Variants in STX12 observed in about 807,000 individuals in gnomAD.
STX12 encodes syntaxin 12, also known as syntaxin-12.
In STX12, 17 loss-of-function variants were observed where a neutral mutation model predicts 42.2. The ratio of observed to expected loss-of-function variants is 0.40; its 90% CI spans 0.28 to 0.60. The LOEUF is 0.60. Ranked by LOEUF, STX12 falls within the 20% of genes least tolerant of loss-of-function variation. The pLI is 0.39. For synonymous variants in STX12, 108 were observed against 116.7 expected, an observed-to-expected ratio of 0.93 and a Z score of 0.48; for missense variants, 297 against 330.9, an observed-to-expected ratio of 0.90 and a Z score of 0.79.
Position 27,811,253 on chromosome 1 carries a change from A to G in STX12, c.471-910A>G, listed in dbSNP as rs533561281. On this transcript the variant is annotated intron_variant, in intron 5 of 8. Transcript: ENST00000373943. Reference sequence around the variant, plus strand: ...AGAATCTCTTGAACCCGGGGGGCGGAGTGAAGTAAGCGCCACTTCACTCCG... The same window carrying G: ...AGAATCTCTTGAACCCGGGGGGCGGGGTGAAGTAAGCGCCACTTCACTCCG... Among the ~76,000 whole-genome samples the G allele has an allele frequency of 4.3e-5, 6 of 140,912 alleles. No homozygotes were observed. In the East Asian group the frequency reaches 1.5e-3, roughly 34 times the overall value. The allele number at this position is 140,912 out of a possible 152,430, so 92.4% of individuals were successfully genotyped here.
At chr1:27,773,465 G>A in intron 1 of STX12, 40 bp downstream of exon 1, 1 of 1,585,424 alleles carries the variant, frequency 6.3e-7, no homozygotes, top group Middle Eastern at 1.7e-4. Context: ...GAGCTGTCCC[G>A]GGGACAGGCC....
At chr1:27,798,953 CAAA>C (rs56799050) in intron 3 of STX12, among the ~76,000 whole-genome samples, 1 of 78,384 alleles carries the variant, frequency 1.3e-5, no homozygotes. Flanking sequence ...GACCCTGTCT[CAAA>C]AAAAAAAAAA....
chr1:27,793,994 GTTTT>G (rs57655012), intron 3 of STX12, among the ~76,000 whole-genome samples: 1 of 142,866 alleles, frequency 7.0e-6, no homozygotes, highest in Admixed American at 7.0e-5. Flanking sequence ...CTTTCTCCTA[GTTTT>G]TTTTTTTTTT....
At chr1:27,818,633 C>CTTT (rs201465138) in intron 7 of STX12, among the ~76,000 whole-genome samples, 3 of 143,270 alleles carry the variant, frequency 2.1e-5, no homozygotes, top group African/African-American at 7.7e-5. Flanking sequence ...GTTAGTAACC[C>CTTT]TTTTTTTTTT....
At chr1:27,819,283 A>AG (rs1429732199) in intron 7 of STX12, among the ~76,000 whole-genome samples, 4 of 151,700 alleles carry the variant, frequency 2.6e-5, no homozygotes, top group Admixed American at 1.3e-4. Context: ...AAAAAAAAAA[A>AG]AAAAAAAGGT....
chr1:27,795,660 A>G (rs2088781344), intron 3 of STX12, among the ~76,000 whole-genome samples: 1 of 152,170 alleles, frequency 6.6e-6, no homozygotes, highest in Non-Finnish European at 1.5e-5. Flanking sequence ...GAAAATCACT[A>G]GTTTAACCTG....
At chr1:27,786,730 A>G (rs2088701804) in intron 1 of STX12, among the ~76,000 whole-genome samples, 1 of 152,212 alleles carries the variant, frequency 6.6e-6, no homozygotes, top group Non-Finnish European at 1.5e-5. Flanking sequence ...GAATAATAAT[A>G]CTTACTTAAA....
chr1:27,799,428 C>A (rs2088810843), intron 3 of STX12, among the ~76,000 whole-genome samples: 1 of 148,820 alleles, frequency 6.7e-6, no homozygotes, highest in Non-Finnish European at 1.5e-5. Context: ...GCTCAAAAAT[C>A]TTCATTGCTC....
At chr1:27,809,343 A>C (rs1481953961) in intron 4 of STX12, among the ~76,000 whole-genome samples, 1 of 151,854 alleles carries the variant, frequency 6.6e-6, no homozygotes, top group African/African-American at 2.4e-5. Context: ...CAAAAAAAAA[A>C]AAAGAAAAGA....
intron 1 of STX12, among the ~76,000 whole-genome samples, chr1:27,778,471 A>C (rs1464466555): frequency 6.6e-6 from 1 of 152,138 alleles, no homozygotes; most frequent in Non-Finnish European, 1.5e-5. Context: ...CGATCGGATC[A>C]CCTGAGGTCA....
chr1:27,793,587 G>C lies in STX12; in HGVS notation c.243G>C (p.Leu81=). ...NQLAKETNEL[L]KELGSLPLPL... ...TCGCCAAGGAAACAAATGAATTGCT[G>C]AAAGAATTAGGGTCCTTGCCCCTTC... is the stretch of plus-strand genomic sequence containing the variant. The change falls in exon 3 of 9, where the codon CTG becomes CTC. Residue 81 remains leucine, a synonymous_variant. Coordinates refer to ENST00000373943, the MANE Select transcript of STX12 (RefSeq NM_177424.3). The C allele has an allele frequency of 6.2e-7, 1 of 1,614,098 alleles. No individual in the cohort carries two copies. The highest frequency in any genetic ancestry group is 1.1e-5 in the South Asian group (1 of 91,080).
intron 1 of STX12, among the ~76,000 whole-genome samples, chr1:27,780,488 G>A (rs933606964): frequency 1.3e-5 from 2 of 152,096 alleles, no homozygotes; most frequent in African/African-American, 4.8e-5. Flanking sequence ...GATTACAGGC[G>A]CCCAGCCTTC....
At chr1:27,808,129 T>C (rs2088876730) in intron 4 of STX12, among the ~76,000 whole-genome samples, 1 of 152,042 alleles carries the variant, frequency 6.6e-6, no homozygotes, top group Non-Finnish European at 1.5e-5. Flanking sequence ...GGCAATGTTA[T>C]TTCTTGATCT....
At chr1:27,814,257 T>A (rs2088923385) in intron 6 of STX12, among the ~76,000 whole-genome samples, 1 of 152,184 alleles carries the variant, frequency 6.6e-6, no homozygotes, top group Non-Finnish European at 1.5e-5. Flanking sequence ...TATGGCTAAG[T>A]GCAATGGCTC....
At chr1:27,806,617 A>T (rs909264247) in intron 4 of STX12, among the ~76,000 whole-genome samples, 1 of 152,226 alleles carries the variant, frequency 6.6e-6, no homozygotes, top group Admixed American at 6.5e-5. Flanking sequence ...GTGTGTGGTG[A>T]TGAAGAATAC....
chr1:27,783,177 A>G (rs1227319067), intron 1 of STX12, among the ~76,000 whole-genome samples: 4 of 152,208 alleles, frequency 2.6e-5, no homozygotes, highest in Non-Finnish European at 5.9e-5. Context: ...GTACAAAAAG[A>G]ATTTTCAGTT....
intron 1 of STX12, among the ~76,000 whole-genome samples, chr1:27,779,727 G>A (rs2088653788): frequency 6.6e-6 from 1 of 151,930 alleles, no homozygotes; most frequent in African/African-American, 2.4e-5. Flanking sequence ...TTGCTAGGAA[G>A]GCTATTTTCT....
chr1:27,815,291 G>C (rs2088933781), intron 6 of STX12, among the ~76,000 whole-genome samples: 1 of 151,936 alleles, frequency 6.6e-6, no homozygotes, highest in South Asian at 2.1e-4. Context: ...TGGATGCCAG[G>C]GTATAATGGA....
chr1:27,812,296 G>A (rs1219202475), intron 6 of STX12, 28 bp downstream of exon 6: 12 of 1,515,916 alleles, frequency 7.9e-6, no homozygotes, highest in Non-Finnish European at 9.9e-6. Context: ...TTTTTTGTTT[G>A]ACTCAGTGTG....
Sources: gnomAD v4.1 joint callset for allele counts (sites outside exome capture counted in the v4.1 genomes callset) on GRCh38, gnomAD v4.1.1 for gene constraint, MANE v1.5 for transcripts, NCBI Gene and HGNC (gene_info 2026-07-23, HGNC 2026-07-21) for gene names.